Variants in TEAD4 observed in about 807,000 individuals in gnomAD.
The protein encoded by TEAD4 is transcriptional enhancer factor TEF-3.
TEAD4 carries 36 observed loss-of-function variants against 52.4 expected under a neutral mutation model. That is an observed-to-expected ratio of 0.69 (90% confidence interval 0.53 to 0.91). The LOEUF (loss-of-function observed/expected upper bound fraction) is 0.91. Among genes scored for constraint, TEAD4 ranks in the 40% least tolerant of loss-of-function variants. The probability of loss-of-function intolerance (pLI) is 0.00; values close to 1 mark genes in which losing one functional copy is unlikely to be tolerated. For missense variants in TEAD4, 508 were observed against 583.9 expected (o/e 0.87, Z 1.34); for synonymous variants, 220 against 231.0 (o/e 0.95, Z 0.43).
intron 10 of TEAD4, among the ~76,000 whole-genome samples, chr12:3,022,972 C>G (rs1171454814): frequency 1.3e-5 from 2 of 152,192 alleles, no homozygotes; most frequent in Non-Finnish European, 2.9e-5. Context: ...CTTTACTTTT[C>G]CTAGAAAGAG....
intron 10 of TEAD4, among the ~76,000 whole-genome samples, chr12:3,028,790 C>A (rs1342529670): frequency 6.6e-6 from 1 of 152,012 alleles, no homozygotes; most frequent in Non-Finnish European, 1.5e-5. Flanking sequence ...ACCACCATGC[C>A]CAGCTCATTT....
At position 3,020,657 on chromosome 12, in the gene TEAD4, G is replaced by A. The variant is rs371373848; in HGVS notation, c.607G>A (p.Ala203Thr). ...AGGGTTTGAGTCTCCTGCAGGGCCC[G>A]CCCCATCGCCCTCTGCGCCCCCGGC... The change falls in exon 9 of 13, where the codon GCC (alanine) becomes ACC (threonine). Residue 203 changes from alanine (A) to threonine (T), a missense_variant. Ala to Thr is a moderately conservative substitution (Grantham distance 58). Coordinates refer to ENST00000359864, the MANE Select transcript of TEAD4 (RefSeq NM_003213.4). 7.7e-5 allele frequency: 123 copies of A among 1,593,194 alleles called. No homozygotes were observed. Among genetic ancestry groups the A allele is most frequent in the Non-Finnish European group, 1.0e-4 (119 of 1,168,600 alleles).
chr12:3,001,289 A>G (rs185165217), intron 3 of TEAD4, among the ~76,000 whole-genome samples: 208 of 152,360 alleles, frequency 1.4e-3, no homozygotes, highest in Admixed American at 4.1e-3. Context: ...TGTACAGGTC[A>G]GTGGCATTAA....
chr12:2,978,584 T>C (rs1337179422), intron 2 of TEAD4, among the ~76,000 whole-genome samples: 4 of 152,082 alleles, frequency 2.6e-5, no homozygotes, highest in Admixed American at 1.3e-4. Flanking sequence ...TTGTATTTTT[T>C]AGTAGAGACA....
chr12:2,964,338 C>T (rs2098218417), intron 2 of TEAD4, among the ~76,000 whole-genome samples: 1 of 152,200 alleles, frequency 6.6e-6, no homozygotes, highest in Non-Finnish European at 1.5e-5. Flanking sequence ...GGCTGGTCTC[C>T]ACCTTGGCTG....
chr12:2,984,201 G>C (rs1259359322), intron 2 of TEAD4, among the ~76,000 whole-genome samples: 1 of 152,190 alleles, frequency 6.6e-6, no homozygotes, highest in Non-Finnish European at 1.5e-5. Flanking sequence ...CGGAGAGCAG[G>C]GATCAGCAGA....
chr12:2,966,575 T>C (rs1242549913), intron 2 of TEAD4, among the ~76,000 whole-genome samples: 1 of 151,138 alleles, frequency 6.6e-6, no homozygotes, highest in African/African-American at 2.4e-5. Flanking sequence ...CATGCCCAGC[T>C]AATTTTTTTG....
At chr12:3,017,249 A>G in intron 5 of TEAD4, 149 bp from the exon 6 acceptor site, 2 of 1,032,844 alleles carry the variant, frequency 1.9e-6, no homozygotes, top group Admixed American at 2.4e-5. Context: ...TTGCAAAACA[A>G]GTTAATAGCA....
At chr12:3,039,653 G>A (rs2098281476) in intron 11 of TEAD4, among the ~76,000 whole-genome samples, 1 of 152,036 alleles carries the variant, frequency 6.6e-6, no homozygotes, top group African/African-American at 2.4e-5. Context: ...GGAGAAAGGA[G>A]GTCTTGTTTA....
chr12:3,026,999 C>A (rs2098272492), intron 10 of TEAD4, among the ~76,000 whole-genome samples: 1 of 151,998 alleles, frequency 6.6e-6, no homozygotes, highest in Non-Finnish European at 1.5e-5. Context: ...TAACCCTCCC[C>A]CAACCCACGC....
At chr12:2,977,218 G>A (rs73246968) in intron 2 of TEAD4, among the ~76,000 whole-genome samples, 9,650 of 152,238 alleles carry the variant, frequency 0.063, 1,000 homozygotes, top group African/African-American at 0.21. Flanking sequence ...GTCCCTGTGA[G>A]GCTGGGCCAG....
intron 3 of TEAD4, among the ~76,000 whole-genome samples, chr12:3,001,258 A>G (rs1352503294): frequency 6.6e-6 from 1 of 152,180 alleles, no homozygotes. Context: ...CGTAAAATTA[A>G]CCATTTAAGC....
At chr12:3,011,191 G>A in intron 4 of TEAD4, 123 bp downstream of exon 4, 1 of 893,280 alleles carries the variant, frequency 1.1e-6, no homozygotes, top group South Asian at 1.5e-5. Context: ...CTCTGGATGA[G>A]TTATCCCTGT....
chr12:2,975,887 T>G (rs553352362), intron 2 of TEAD4, among the ~76,000 whole-genome samples: 46 of 152,332 alleles, frequency 3.0e-4, no homozygotes, highest in Non-Finnish European at 8.8e-5. Flanking sequence ...TGACTGTCCC[T>G]GTAGTTTTGC....
intron 6 of TEAD4, 53 bp from the exon 7 acceptor site, chr12:3,018,492 G>T: frequency 6.2e-7 from 1 of 1,609,970 alleles, no homozygotes; most frequent in South Asian, 1.1e-5. Flanking sequence ...CCACACCACA[G>T]GGCCCCGGGT....
At position 3,018,456 on chromosome 12, in the gene TEAD4, G is replaced by A. The variant is rs992362056; in HGVS notation, c.484-89G>A. ...GGCTCCAGCCTCTCCTCCCAGTGGA[G>A]GCCCTGCCCGGTCCTACCCCCACCC... On this transcript the variant is annotated intron_variant, in intron 6 of 12. Transcript: ENST00000359864. 3 of 1,505,310 alleles carry A rather than the reference G, an allele frequency of 2.0e-6. No individual in the cohort carries two copies. The African/African-American group carries it at 4.1e-5, about 21-fold the overall frequency. The allele number at this position is 1,505,310 out of a possible 1,614,324, so 93.2% of individuals were successfully genotyped here. A position where few individuals can be genotyped will look rare whatever the true frequency, so the allele number is the denominator to read the frequency against.
At chr12:3,033,835 G>C (rs1419090409) in intron 10 of TEAD4, among the ~76,000 whole-genome samples, 1 of 152,202 alleles carries the variant, frequency 6.6e-6, no homozygotes, top group Non-Finnish European at 1.5e-5. Context: ...TTGGGTGGTT[G>C]CTCAGTGTGG....
At chr12:2,967,309 GT>G in intron 2 of TEAD4, among the ~76,000 whole-genome samples, 1 of 152,000 alleles carries the variant, frequency 6.6e-6, no homozygotes, top group African/African-American at 2.4e-5. Context: ...ACTCTATCCC[GT>G]TTTTTTCCCT....
intron 10 of TEAD4, among the ~76,000 whole-genome samples, chr12:3,024,986 C>T (rs2098271190): frequency 6.6e-6 from 1 of 151,144 alleles, no homozygotes; most frequent in African/African-American, 2.4e-5. Context: ...ACTCTGTCGC[C>T]CAGGCTAGAG....
Sources: allele counts gnomAD v4.1 joint callset (sites outside exome capture counted in the v4.1 genomes callset), GRCh38; gene constraint gnomAD v4.1.1; transcripts MANE v1.5; gene names NCBI Gene and HGNC (gene_info 2026-07-23, HGNC 2026-07-21).